Variants in HIPK2 observed in about 807,000 individuals in gnomAD.
HIPK2 encodes the protein homeodomain-interacting protein kinase 2.
A neutral mutation model predicts 113.7 loss-of-function variants in HIPK2; 27 were observed. The ratio of observed to expected loss-of-function variants is 0.24; its 90% CI spans 0.17 to 0.33. The LOEUF (loss-of-function observed/expected upper bound fraction) is 0.33, where lower values mean the gene tolerates loss of function less well. Ranked by LOEUF, HIPK2 falls within the 10% of genes least tolerant of loss-of-function variation. HIPK2 has a pLI of 1.00. For synonymous variants in HIPK2, 631 were observed against 642.2 expected (o/e 0.98, Z 0.26); for missense variants, 1,257 against 1,588.0 (o/e 0.79, Z 3.54).
chr7:139,606,333 T>C (rs979368647), intron 9 of HIPK2, among the ~76,000 whole-genome samples: 1 of 152,198 alleles, frequency 6.6e-6, no homozygotes, highest in African/African-American at 2.4e-5. Flanking sequence ...ATTTCTAAGA[T>C]TAATAAATTG....
intron 1 of HIPK2, among the ~76,000 whole-genome samples, chr7:139,756,520 G>A (rs1470251444): frequency 6.6e-6 from 1 of 152,166 alleles, no homozygotes; most frequent in Non-Finnish European, 1.5e-5. Flanking sequence ...TGCCTCCCGG[G>A]TTCAAGCAAC....
chr7:139,676,077 C>T (rs1032234447), intron 2 of HIPK2, among the ~76,000 whole-genome samples: 3 of 152,208 alleles, frequency 2.0e-5, no homozygotes, highest in Non-Finnish European at 2.9e-5. Context: ...TAACTGCGCT[C>T]ATTTTTGTTC....
intron 1 of HIPK2, among the ~76,000 whole-genome samples, chr7:139,769,095 G>C (rs1455881198): frequency 6.6e-6 from 1 of 152,234 alleles, no homozygotes; most frequent in Admixed American, 6.5e-5. Flanking sequence ...ATCCCAGCAA[G>C]TTTTCCTGAT....
intron 1 of HIPK2, among the ~76,000 whole-genome samples, chr7:139,746,262 T>G (rs1003184751): frequency 1.3e-5 from 2 of 152,230 alleles, no homozygotes; most frequent in Non-Finnish European, 2.9e-5. Flanking sequence ...TGCACCCCTG[T>G]GTGGGGCAAC....
chr7:139,692,774 G>C (rs1794444553), intron 2 of HIPK2, among the ~76,000 whole-genome samples: 1 of 152,206 alleles, frequency 6.6e-6, no homozygotes, highest in Non-Finnish European at 1.5e-5. Context: ...CCCATTATGT[G>C]GGTGGAGCAT....
At position 139,571,287 on chromosome 7, in the gene HIPK2, G is replaced by C. The variant is rs1798268441; in HGVS notation, c.*1640C>G. The C allele has an allele frequency of 6.6e-6, 1 of 152,274 alleles. No homozygotes were observed. The highest frequency in any genetic ancestry group is 6.5e-5 in the Admixed American group (1 of 15,272). The allele number at this position is 152,274 out of a possible 1,614,324, so 9.4% of individuals were successfully genotyped here. A position where few individuals can be genotyped will look rare whatever the true frequency, so the allele number is the denominator to read the frequency against. On this transcript the variant is annotated 3_prime_UTR_variant, in exon 15 of 15. Transcript: ENST00000406875. ...CGGAGGAGAGAGTGGAGCCCCGGGC[G>C]AGGCTGAGAGCTCCAGGCTCTCGTG...
intron 2 of HIPK2, among the ~76,000 whole-genome samples, chr7:139,708,801 T>C (rs1037375921): frequency 6.6e-6 from 1 of 152,222 alleles, no homozygotes; most frequent in Non-Finnish European, 1.5e-5. Flanking sequence ...TAGCTCTGTA[T>C]GGAGGGCTGA....
intron 12 of HIPK2, among the ~76,000 whole-genome samples, chr7:139,587,112 A>T (rs1585241393): frequency 6.6e-6 from 1 of 152,354 alleles, no homozygotes; most frequent in South Asian, 2.1e-4. Context: ...ACCACAATTA[A>T]AAATTAACAG....
At chr7:139,674,167 C>T (rs1370584695) in intron 2 of HIPK2, among the ~76,000 whole-genome samples, 1 of 151,842 alleles carries the variant, frequency 6.6e-6, no homozygotes, top group African/African-American at 2.4e-5. Context: ...GTGCCAATAA[C>T]TAAATGTTGT....
rs1318250114 is a variant in HIPK2 at position 139,565,788 on chromosome 7, T to C, written c.*7139A>G. 6.6e-6 allele frequency: 1 copy of C among 151,648 alleles called. No homozygotes were observed. The highest frequency in any genetic ancestry group is 1.5e-5 in the Non-Finnish European group (1 of 67,942). The allele number at this position is 151,648 out of a possible 1,614,324, so 9.4% of individuals were successfully genotyped here. ...CAGACCCACATATGGTATTTACAAATTTGGTGTGAACCCTGCCTCTGGTTC... is the reference window on the plus strand; with the variant it reads ...CAGACCCACATATGGTATTTACAAACTTGGTGTGAACCCTGCCTCTGGTTC... On this transcript the variant is annotated 3_prime_UTR_variant, in exon 15 of 15. Transcript: ENST00000406875.
intron 2 of HIPK2, among the ~76,000 whole-genome samples, chr7:139,711,450 C>T (rs995715701): frequency 3.3e-5 from 5 of 151,992 alleles, no homozygotes; most frequent in Non-Finnish European, 4.4e-5. Flanking sequence ...TTAGATTATT[C>T]TGAAAAAGTG....
rs146768574 is a variant in HIPK2 at position 139,729,086 on chromosome 7, G to A, written c.20-12071C>T. Among the ~76,000 whole-genome samples the A allele has an allele frequency of 1.8e-4, 27 of 152,254 alleles. No homozygotes were observed. In the East Asian group the frequency reaches 5.2e-3, roughly 29 times the overall value. ...CACCTGTAATTCCAATGCTTTGGGA[G>A]GCCGCGATGGGTGGACTGCTTGAGC... On this transcript the variant is annotated intron_variant, in intron 1 of 14. Coordinates refer to ENST00000406875, the MANE Select transcript of HIPK2 (RefSeq NM_022740.5).
Position 139,631,388 on chromosome 7 carries a change from G to T in HIPK2, c.1228-104C>A. 1 of 1,469,324 alleles carries T rather than the reference G, an allele frequency of 6.8e-7. No homozygotes were observed. Among genetic ancestry groups the T allele is most frequent in the Non-Finnish European group, 9.1e-7 (1 of 1,102,278 alleles). 91.0% of individuals were successfully genotyped at this position (1,469,324 alleles called of 1,614,324 possible). ...GAGAAAAATGAAAATGACAATTTTT[G>T]TAGGGAAAGAAGTTAACAAAAAAGA... On this transcript the variant is annotated intron_variant, in intron 3 of 14. Transcript: ENST00000406875. The surrounding 1 kb of genome is among the most constrained non-coding windows in gnomAD (Gnocchi z 4.9).
At chr7:139,605,700 G>C (rs1799596420) in intron 9 of HIPK2, among the ~76,000 whole-genome samples, 2 of 152,072 alleles carry the variant, frequency 1.3e-5, no homozygotes, top group Non-Finnish European at 2.9e-5. Context: ...AGATGTTTTT[G>C]ATACTGTTTG....
intron 12 of HIPK2, among the ~76,000 whole-genome samples, chr7:139,584,407 A>ACC (rs1039671999): frequency 6.6e-6 from 1 of 152,046 alleles, no homozygotes; most frequent in African/African-American, 2.4e-5. Context: ...GCTGGGTACA[A>ACC]CCCCCGTGGG....
At chr7:139,593,343 T>C (rs2116626784) in intron 12 of HIPK2, among the ~76,000 whole-genome samples, 1 of 152,340 alleles carries the variant, frequency 6.6e-6, no homozygotes, top group Admixed American at 6.5e-5. Context: ...GAACACCCAG[T>C]GCATGTTTGC....
chr7:139,745,328 C>T (rs1038539091), intron 1 of HIPK2, among the ~76,000 whole-genome samples: 5 of 152,066 alleles, frequency 3.3e-5, no homozygotes, highest in African/African-American at 1.2e-4. Context: ...TTTTGAACTA[C>T]TTAGCAGGAA....
At chr7:139,587,364 C>A (rs1399331009) in intron 12 of HIPK2, among the ~76,000 whole-genome samples, 1 of 151,700 alleles carries the variant, frequency 6.6e-6, no homozygotes, top group African/African-American at 2.4e-5. Flanking sequence ...GGTGGTGGGG[C>A]CTGCAATCCC....
intron 2 of HIPK2, among the ~76,000 whole-genome samples, chr7:139,646,480 A>G (rs1278543964): frequency 6.8e-6 from 1 of 147,214 alleles, no homozygotes; most frequent in Non-Finnish European, 1.5e-5. Flanking sequence ...AGCCTGGGTG[A>G]CAGAGTAAGA....
Sources: allele counts gnomAD v4.1 joint callset (sites outside exome capture counted in the v4.1 genomes callset), GRCh38; gene constraint gnomAD v4.1.1; non-coding constraint Gnocchi (gnomAD v3.1); transcripts MANE v1.5; gene names NCBI Gene and HGNC (gene_info 2026-07-23, HGNC 2026-07-21).